The following ZMAT4 variants were observed in gnomAD, a reference collection of about 807,000 sequenced individuals.
ZMAT4 encodes zinc finger matrin-type protein 4.
ZMAT4 carries 17 observed loss-of-function variants against 28.7 expected under a neutral mutation model. That is an observed-to-expected ratio of 0.59 (90% CI 0.41 to 0.89). The LOEUF (loss-of-function observed/expected upper bound fraction) is 0.89, where lower values mean the gene tolerates loss of function less well. Among genes scored for constraint, ZMAT4 ranks in the 40% least tolerant of loss-of-function variants. ZMAT4 has a pLI of 0.00. For missense variants in ZMAT4, 240 were observed against 283.8 expected, an observed-to-expected ratio of 0.85 and a Z score of 1.11; for synonymous variants, 117 against 109.2, an observed-to-expected ratio of 1.07 and a Z score of -0.44.
intron 2 of ZMAT4, among the ~76,000 whole-genome samples, chr8:40,789,228 G>A (rs892752283): frequency 6.6e-6 from 1 of 152,172 alleles, no homozygotes; most frequent in Admixed American, 6.5e-5. Context: ...ACTAGGAATA[G>A]CAGGAAACTT....
chr8:40,866,151 T>C (rs1467922431), intron 1 of ZMAT4, among the ~76,000 whole-genome samples: 1 of 152,214 alleles, frequency 6.6e-6, no homozygotes, highest in Non-Finnish European at 1.5e-5. Flanking sequence ...TTAAAGTTCT[T>C]TCACTTGAAT....
At chr8:40,628,367 C>A (rs1346270962) in intron 5 of ZMAT4, among the ~76,000 whole-genome samples, 1 of 152,180 alleles carries the variant, frequency 6.6e-6, no homozygotes, top group African/African-American at 2.4e-5. Context: ...CACCAAGCAT[C>A]GCGTTAAGCA....
chr8:40,784,236 T>C (rs1310868947), intron 2 of ZMAT4, among the ~76,000 whole-genome samples: 1 of 152,214 alleles, frequency 6.6e-6, no homozygotes, highest in Non-Finnish European at 1.5e-5. Context: ...TGATCAATCA[T>C]GGATTAATTA....
At chr8:40,695,796 T>A (rs1421835010) in intron 4 of ZMAT4, among the ~76,000 whole-genome samples, 1 of 128,896 alleles carries the variant, frequency 7.8e-6, no homozygotes, top group African/African-American at 2.9e-5. Flanking sequence ...TTTTTTTTTT[T>A]TTTTTTTGCA....
intron 2 of ZMAT4, chr8:40,786,578 G>T: frequency 1.4e-6 from 1 of 719,616 alleles, no homozygotes; most frequent in Non-Finnish European, 1.9e-6. Flanking sequence ...CCAAAACAAA[G>T]AACAGCCAGC....
At chr8:40,572,644 A>G (rs1484024667) in intron 6 of ZMAT4, among the ~76,000 whole-genome samples, 1 of 152,144 alleles carries the variant, frequency 6.6e-6, no homozygotes, top group Non-Finnish European at 1.5e-5. Context: ...AATCATTTGT[A>G]CTAATTGACA....
intron 3 of ZMAT4, among the ~76,000 whole-genome samples, chr8:40,739,738 C>T (rs1181594348): frequency 1.3e-5 from 2 of 152,186 alleles, no homozygotes; most frequent in East Asian, 1.9e-4. Context: ...ATCAACCCTT[C>T]GTGTAGGTTT....
chr8:40,600,483 C>T (rs75414805), intron 5 of ZMAT4, among the ~76,000 whole-genome samples: 1,828 of 152,322 alleles, frequency 0.012, 31 homozygotes, highest in African/African-American at 0.042. Context: ...CTTCTTACTC[C>T]TTCTCTGCTG....
At chr8:40,560,588 C>T (rs1803703791) in intron 6 of ZMAT4, among the ~76,000 whole-genome samples, 1 of 151,786 alleles carries the variant, frequency 6.6e-6, no homozygotes, top group African/African-American at 2.4e-5. Context: ...TTGTCAAACT[C>T]CGGCAAAATA....
At chr8:40,608,473 T>C (rs781231442) in intron 5 of ZMAT4, among the ~76,000 whole-genome samples, 1 of 152,150 alleles carries the variant, frequency 6.6e-6, no homozygotes. Flanking sequence ...TGAGCAGGGC[T>C]GAGAATAAGT....
intron 4 of ZMAT4, among the ~76,000 whole-genome samples, chr8:40,682,310 T>C (rs1809206831): frequency 6.6e-6 from 1 of 152,224 alleles, no homozygotes. Flanking sequence ...TGCAATGCTT[T>C]ATTATTAATT....
intron 1 of ZMAT4, among the ~76,000 whole-genome samples, chr8:40,882,102 G>T (rs1454040971): frequency 6.6e-6 from 1 of 152,176 alleles, no homozygotes; most frequent in Non-Finnish European, 1.5e-5. Context: ...TCATGCCTCA[G>T]AAAAGTTCTG....
intron 6 of ZMAT4, among the ~76,000 whole-genome samples, chr8:40,578,641 A>C (rs892975742): frequency 1.3e-5 from 2 of 152,304 alleles, no homozygotes; most frequent in South Asian, 2.1e-4. Context: ...GATCACAAGC[A>C]TGCCCGCACA....
At chr8:40,563,515 A>G (rs1285851370) in intron 6 of ZMAT4, among the ~76,000 whole-genome samples, 1 of 152,208 alleles carries the variant, frequency 6.6e-6, no homozygotes, top group Non-Finnish European at 1.5e-5. Context: ...CTAGGAAACC[A>G]TAAATATATC....
At chr8:40,755,286 C>T (rs1291449412) in intron 3 of ZMAT4, among the ~76,000 whole-genome samples, 1 of 152,124 alleles carries the variant, frequency 6.6e-6, no homozygotes, top group Non-Finnish European at 1.5e-5. Flanking sequence ...CAAACATCTT[C>T]TGTAAAGGGT....
intron 5 of ZMAT4, among the ~76,000 whole-genome samples, chr8:40,599,794 G>A (rs529143114): frequency 6.6e-6 from 1 of 152,350 alleles, no homozygotes. Context: ...GCTGTGTAAG[G>A]AGAGTGGTGG....
chr8:40,828,020 G>T (rs1350737005), intron 1 of ZMAT4, among the ~76,000 whole-genome samples: 3 of 152,096 alleles, frequency 2.0e-5, no homozygotes, highest in Non-Finnish European at 2.9e-5. Flanking sequence ...TCATCATCTT[G>T]CCCTGAGTCT....
intron 5 of ZMAT4, among the ~76,000 whole-genome samples, chr8:40,641,866 G>T (rs1183825693): frequency 2.0e-5 from 3 of 151,948 alleles, no homozygotes; most frequent in Admixed American, 6.6e-5. Flanking sequence ...TTTTTTAAAT[G>T]ACTTTACAAA....
intron 2 of ZMAT4, among the ~76,000 whole-genome samples, chr8:40,798,296 C>T (rs542354121): frequency 6.6e-6 from 1 of 152,266 alleles, no homozygotes; most frequent in Middle Eastern, 3.4e-3. Flanking sequence ...CTTCCTCCTC[C>T]CCTGGCAAAC....
Sources: gnomAD v4.1 joint callset for allele counts (sites outside exome capture counted in the v4.1 genomes callset) on GRCh38, gnomAD v4.1.1 for gene constraint, MANE v1.5 for transcripts, NCBI Gene and HGNC (gene_info 2026-07-23, HGNC 2026-07-21) for gene names.